The following MYO16 variants were observed in gnomAD, a reference collection of about 807,000 sequenced individuals.
MYO16 encodes the protein unconventional myosin-XVI.
Under a neutral mutation model 205.3 loss-of-function variants are expected in MYO16, and 94 were observed. The ratio of observed to expected loss-of-function variants is 0.46; its 90% CI spans 0.39 to 0.54. The LOEUF is 0.54. Among genes scored for constraint, MYO16 ranks in the 20% least tolerant of loss-of-function variants. The pLI is 0.00. For synonymous variants in MYO16, 988 were observed against 954.0 expected, an observed-to-expected ratio of 1.04 and a Z score of -0.66; for missense variants, 2,315 against 2,387.5, an observed-to-expected ratio of 0.97 and a Z score of 0.63.
chr13:108,895,209 CA>C (rs11306898), intron 14 of MYO16, among the ~76,000 whole-genome samples: 30,349 of 151,040 alleles, frequency 0.2, 3,542 homozygotes, highest in East Asian at 0.51. Flanking sequence ...ATTATAAATA[CA>C]AAAAAAAAGT....
At position 109,190,284 on chromosome 13, in the gene MYO16, A is replaced by C. The variant is rs2139942395; in HGVS notation, c.5415+10651A>C. Among the ~76,000 whole-genome samples the C allele has an allele frequency of 2.0e-5, 3 of 152,206 alleles. 1 individual carries two copies. In the South Asian group the frequency reaches 6.2e-4, roughly 32 times the overall value. ...GAGAATGGTGTGAGTTAGCAATGTAATTTTACATTTTTTCTGTACGGATAA... is the reference window on the plus strand; with the variant it reads ...GAGAATGGTGTGAGTTAGCAATGTACTTTTACATTTTTTCTGTACGGATAA... On this transcript the variant is annotated intron_variant, in intron 34 of 34. Coordinates refer to ENST00000457511, the MANE Select transcript of MYO16 (RefSeq NM_001198950.3).
intron 7 of MYO16, among the ~76,000 whole-genome samples, chr13:108,815,337 A>T (rs1447785236): frequency 6.6e-6 from 1 of 152,194 alleles, no homozygotes; most frequent in African/African-American, 2.4e-5. Context: ...TAAGCTAAGG[A>T]TCATCAGCTG....
intron 4 of MYO16, among the ~76,000 whole-genome samples, chr13:108,760,489 T>G (rs1039130253): frequency 2.6e-5 from 4 of 152,102 alleles, no homozygotes; most frequent in African/African-American, 9.7e-5. Flanking sequence ...TTTTTTATCA[T>G]TTTGGCTTTT....
intron 22 of MYO16, among the ~76,000 whole-genome samples, chr13:109,010,350 T>C (rs1885550297): frequency 6.6e-6 from 1 of 152,222 alleles, no homozygotes; most frequent in Non-Finnish European, 1.5e-5. Flanking sequence ...CCCCATTCTT[T>C]TATTGCTTTA....
intron 27 of MYO16, among the ~76,000 whole-genome samples, chr13:109,077,802 C>T (rs961563462): frequency 3.9e-5 from 6 of 152,114 alleles, no homozygotes; most frequent in African/African-American, 1.4e-4. Flanking sequence ...CTTCATCAGG[C>T]TTCTTGGATC....
chr13:108,517,532 A>T, the MYO16 span, among the ~76,000 whole-genome samples: 11 of 152,250 alleles, frequency 7.2e-5, no homozygotes, highest in African/African-American at 2.2e-4. Flanking sequence ...TGTGGGTATT[A>T]GTTAACTAAT....
At chr13:108,496,656 A>G in the MYO16 span, among the ~76,000 whole-genome samples, 46 of 152,316 alleles carry the variant, frequency 3.0e-4, no homozygotes, top group African/African-American at 1.0e-3. Context: ...CCGAAAGGAA[A>G]TGGAGACGAT....
chr13:109,075,829 G>A (rs952587939), intron 27 of MYO16, among the ~76,000 whole-genome samples: 8 of 146,062 alleles, frequency 5.5e-5, no homozygotes, highest in African/African-American at 1.5e-4. Context: ...ATTGGCAAAC[G>A]TTTTCTCCAA....
intron 16 of MYO16, among the ~76,000 whole-genome samples, chr13:108,955,145 C>T (rs1054801636): frequency 6.6e-6 from 1 of 152,186 alleles, no homozygotes; most frequent in African/African-American, 2.4e-5. Context: ...GAGATGGCAC[C>T]AGCCTTCAGG....
intron 2 of MYO16, among the ~76,000 whole-genome samples, chr13:108,706,383 A>G (rs1222828367): frequency 6.6e-6 from 1 of 152,200 alleles, no homozygotes; most frequent in Non-Finnish European, 1.5e-5. Context: ...TGCTGAACAT[A>G]TATCTCAGTG....
the MYO16 span, among the ~76,000 whole-genome samples, chr13:108,526,078 G>C: frequency 6.6e-6 from 1 of 151,888 alleles, no homozygotes; most frequent in Non-Finnish European, 1.5e-5. Context: ...TTTGGCAGCT[G>C]TTCCTGCCCT....
At chr13:109,022,660 TTTATATA>T (rs1886109876) in intron 23 of MYO16, among the ~76,000 whole-genome samples, 1 of 120,956 alleles carries the variant, frequency 8.3e-6, no homozygotes, top group African/African-American at 3.0e-5. Context: ...TATGTATATA[TTTATATA>T]TTATATATAC....
At chr13:109,138,402 T>C (rs1465209564) in intron 31 of MYO16, among the ~76,000 whole-genome samples, 1 of 152,226 alleles carries the variant, frequency 6.6e-6, no homozygotes, top group Admixed American at 6.5e-5. Context: ...CTGTTATCAG[T>C]GAAATTATAT....
At chr13:108,586,405 A>C in the MYO16 span, among the ~76,000 whole-genome samples, 1 of 152,192 alleles carries the variant, frequency 6.6e-6, no homozygotes, top group African/African-American at 2.4e-5. Flanking sequence ...AATTCAAAAA[A>C]AATATTTATA....
intron 4 of MYO16, among the ~76,000 whole-genome samples, chr13:108,784,468 C>T (rs374646592): frequency 1.3e-5 from 2 of 151,998 alleles, no homozygotes; most frequent in Non-Finnish European, 2.9e-5. Context: ...TGTTAAGATA[C>T]GGAATATTTT....
At chr13:108,615,687 A>G (rs187025977) in intron 1 of MYO16, among the ~76,000 whole-genome samples, 58 of 152,276 alleles carry the variant, frequency 3.8e-4, no homozygotes, top group African/African-American at 1.3e-3. Flanking sequence ...AAGTGAAAAA[A>G]GTTAGACACA....
the MYO16 span, among the ~76,000 whole-genome samples, chr13:108,564,451 G>A: frequency 2.6e-5 from 4 of 152,154 alleles, no homozygotes; most frequent in East Asian, 3.9e-4. Context: ...TTACAGGTGT[G>A]AGCCACTGCA....
At chr13:109,173,027 A>G (rs1416213422) in intron 33 of MYO16, among the ~76,000 whole-genome samples, 1 of 152,276 alleles carries the variant, frequency 6.6e-6, no homozygotes, top group African/African-American at 2.4e-5. Flanking sequence ...GATGAATAGA[A>G]GCAGGAATAT....
rs11616366 is a variant in MYO16 at position 109,185,466 on chromosome 13, A to G, written c.5415+5833A>G. Among the ~76,000 whole-genome samples, 1,495 of 152,266 alleles carry G rather than the reference A, an allele frequency of 9.8e-3. 13 individuals are homozygous for G. Among genetic ancestry groups the G allele is most frequent in the South Asian group, 0.023 (109 of 4,828 alleles). Reference sequence around the variant, plus strand: ...GTATTCCTTTCTTTGCAGGGTCAATATTCTGAAAACCAGTTCTGATTTTAA... The same window carrying G: ...GTATTCCTTTCTTTGCAGGGTCAATGTTCTGAAAACCAGTTCTGATTTTAA... On this transcript the variant is annotated intron_variant, in intron 34 of 34. Coordinates refer to ENST00000457511, the MANE Select transcript of MYO16 (RefSeq NM_001198950.3).
Sources: allele counts gnomAD v4.1 joint callset (sites outside exome capture counted in the v4.1 genomes callset), GRCh38; gene constraint gnomAD v4.1.1; transcripts MANE v1.5; gene names NCBI Gene and HGNC (gene_info 2026-07-23, HGNC 2026-07-21).